Variants in EPS15L1 observed in about 807,000 individuals in gnomAD.
EPS15L1 encodes epidermal growth factor receptor substrate 15-like 1.
Under a neutral mutation model 117.1 loss-of-function variants are expected in EPS15L1, and 43 were observed. The observed-to-expected ratio is 0.37, with a 90% CI of 0.29 to 0.47. The LOEUF (loss-of-function observed/expected upper bound fraction) is 0.47. Ranked by LOEUF, EPS15L1 falls within the 20% of genes least tolerant of loss-of-function variation. The pLI is 0.99. For synonymous variants in EPS15L1, 459 were observed against 470.5 expected, an observed-to-expected ratio of 0.98 and a Z score of 0.32; for missense variants, 981 against 1,164.0, an observed-to-expected ratio of 0.84 and a Z score of 2.29.
intron 23 of EPS15L1, among the ~76,000 whole-genome samples, chr19:16,360,661 C>T (rs2092038855): frequency 6.6e-6 from 1 of 152,086 alleles, no homozygotes; most frequent in Admixed American, 6.6e-5. Context: ...ACAGGAGGAT[C>T]GCTTGAGCCC....
At chr19:16,440,024 T>C (rs1264907665) in intron 4 of EPS15L1, among the ~76,000 whole-genome samples, 1 of 137,442 alleles carries the variant, frequency 7.3e-6, no homozygotes, top group Non-Finnish European at 1.6e-5. Context: ...GCCAAGATCA[T>C]GTCACTGCAC....
intron 1 of EPS15L1, among the ~76,000 whole-genome samples, chr19:16,450,970 G>A (rs1285189751): frequency 2.0e-5 from 3 of 150,106 alleles, no homozygotes; most frequent in Non-Finnish European, 4.4e-5. Flanking sequence ...TTTTTTTTGA[G>A]ACAAGAGTCT....
At chr19:16,416,466 T>A (rs1223439565) in intron 12 of EPS15L1, among the ~76,000 whole-genome samples, 2 of 151,814 alleles carry the variant, frequency 1.3e-5, no homozygotes, top group Non-Finnish European at 2.9e-5. Context: ...CGAAACCCCA[T>A]CTCTACAAAA....
chr19:16,431,386 C>T (rs1263877206), intron 7 of EPS15L1, among the ~76,000 whole-genome samples: 1 of 151,440 alleles, frequency 6.6e-6, no homozygotes, highest in Non-Finnish European at 1.5e-5. Context: ...TCACTGCAAC[C>T]TCTGCCTCCC....
At chr19:16,417,812 G>C (rs1174362244) in intron 11 of EPS15L1, 136 bp downstream of exon 11, 2 of 1,325,224 alleles carry the variant, frequency 1.5e-6, no homozygotes, top group South Asian at 1.4e-5. Context: ...CCACCCTCCC[G>C]GGGGCCCCTG....
At position 16,437,207 on chromosome 19, in the gene EPS15L1, G is replaced by C. The variant is rs2092987086; in HGVS notation, c.310-208C>G. Reference sequence around the variant, plus strand: ...AAAACGGATGTCCAAACAAATCCTTGTACATGAATGCTGGTAGCAGCACTA... The same window carrying C: ...AAAACGGATGTCCAAACAAATCCTTCTACATGAATGCTGGTAGCAGCACTA... On this transcript the variant is annotated intron_variant, in intron 5 of 23. Transcript: ENST00000455140. The C allele has an allele frequency of 1.7e-5, 10 of 579,970 alleles. No individual in the cohort carries two copies. The East Asian group carries it at 2.8e-4, about 16-fold the overall frequency. 35.9% of individuals were successfully genotyped at this position (579,970 alleles called of 1,614,324 possible). A position where few individuals can be genotyped will look rare whatever the true frequency, so the allele number is the denominator to read the frequency against.
chr19:16,410,387 A>T (rs2144875600), intron 13 of EPS15L1, among the ~76,000 whole-genome samples: 1 of 152,298 alleles, frequency 6.6e-6, no homozygotes, highest in African/African-American at 2.4e-5. Context: ...GGCTGTGCAG[A>T]GCTGGCACCC....
chr19:16,355,652 GC>G lies in EPS15L1; in HGVS notation c.*52del. 6.6e-7 allele frequency: 1 copy of G among 1,518,444 alleles called. No individual in the cohort carries two copies. The highest frequency in any genetic ancestry group is 2.5e-5 in the East Asian group (1 of 40,542). The allele number at this position is 1,518,444 out of a possible 1,614,324, so 94.1% of individuals were successfully genotyped here. A position where few individuals can be genotyped will look rare whatever the true frequency, so the allele number is the denominator to read the frequency against. ...GTGTGTATATATAGACATCTGCACT[GC>G]CCCCTCTCTGGAACCCGCCCGTGCC... is the stretch of plus-strand genomic sequence containing the variant. On this transcript the variant is annotated 3_prime_UTR_variant, in exon 24 of 24. Coordinates refer to ENST00000455140, the MANE Select transcript of EPS15L1 (RefSeq NM_001258374.3).
At chr19:16,398,835 GACTA>G (rs2092567391) in intron 16 of EPS15L1, among the ~76,000 whole-genome samples, 1 of 152,104 alleles carries the variant, frequency 6.6e-6, no homozygotes, top group Non-Finnish European at 1.5e-5. Context: ...CCATACTGAT[GACTA>G]ACTTAGTGTA....
At position 16,405,632 on chromosome 19, in the gene EPS15L1, G is replaced by A. The variant is rs2092648422; in HGVS notation, c.1267-883C>T. ...CAGCCCACACTGTGGGACGCTCCTTGGCCATGGAACGGGATGGCGCCGTGT... is the reference window on the plus strand; with the variant it reads ...CAGCCCACACTGTGGGACGCTCCTTAGCCATGGAACGGGATGGCGCCGTGT... On this transcript the variant is annotated intron_variant, in intron 13 of 23. Coordinates refer to ENST00000455140, the MANE Select transcript of EPS15L1 (RefSeq NM_001258374.3). This position sits in a 1 kb window ranked among gnomAD's most constrained non-coding sequence, Gnocchi z 4.0. Among the ~76,000 whole-genome samples the A allele has an allele frequency of 6.6e-6, 1 of 152,212 alleles. No individual in the cohort carries two copies. The highest frequency in any genetic ancestry group is 1.9e-4 in the East Asian group (1 of 5,192).
Position 16,371,268 on chromosome 19 carries a change from G to T in EPS15L1, c.2380+5854C>A, listed in dbSNP as rs577063287. Among the ~76,000 whole-genome samples the T allele has an allele frequency of 6.6e-6, 1 of 152,260 alleles. No individual in the cohort carries two copies. The highest frequency in any genetic ancestry group is 1.5e-5 in the Non-Finnish European group (1 of 68,020). ...CTTAGGACCTCAGGGCTTCCTCGGT[G>T]GCTGCATCCTGTGTGGCACCCCCGG... On this transcript the variant is annotated intron_variant, in intron 22 of 23. Transcript: ENST00000455140. The surrounding 1 kb of genome is among the most constrained non-coding windows in gnomAD (Gnocchi z 4.7).
chr19:16,376,828 C>T (rs371061868), intron 22 of EPS15L1, among the ~76,000 whole-genome samples: 3 of 152,344 alleles, frequency 2.0e-5, no homozygotes, highest in South Asian at 2.1e-4. Context: ...GGAGGCCGCA[C>T]GAAGCGCCCC....
At chr19:16,452,325 A>G (rs2093153296) in intron 1 of EPS15L1, among the ~76,000 whole-genome samples, 1 of 152,040 alleles carries the variant, frequency 6.6e-6, no homozygotes, top group African/African-American at 2.4e-5. Flanking sequence ...AGGCACCTGG[A>G]ATCCCAGCTA....
chr19:16,417,724 A>C lies in EPS15L1; in HGVS notation c.1108-87T>G, dbSNP rs2092772546. Reference sequence around the variant, plus strand: ...ACCAGCAGTTCTCGGGCCCAGGGATAAAATTGTCCCTTTAGTACACAGGGT... The same window carrying C: ...ACCAGCAGTTCTCGGGCCCAGGGATCAAATTGTCCCTTTAGTACACAGGGT... On this transcript the variant is annotated intron_variant, in intron 11 of 23. Coordinates refer to ENST00000455140, the MANE Select transcript of EPS15L1 (RefSeq NM_001258374.3). 7 of 1,271,280 alleles carry C rather than the reference A, an allele frequency of 5.5e-6. No homozygotes were observed. In the Admixed American group the frequency reaches 1.1e-4, roughly 20 times the overall value. 78.7% of individuals were successfully genotyped at this position (1,271,280 alleles called of 1,614,324 possible).
intron 1 of EPS15L1, among the ~76,000 whole-genome samples, chr19:16,468,470 C>T (rs1186719889): frequency 6.6e-6 from 1 of 152,156 alleles, no homozygotes; most frequent in Non-Finnish European, 1.5e-5. Context: ...CTCAGCCTCC[C>T]AAGTTGCTGG....
chr19:16,424,964 A>C, intron 9 of EPS15L1, 119 bp downstream of exon 9: 2 of 963,248 alleles, frequency 2.1e-6, no homozygotes, highest in Non-Finnish European at 1.6e-6. Flanking sequence ...CCTGGCCACA[A>C]GCATTTTTTA....
intron 13 of EPS15L1, among the ~76,000 whole-genome samples, chr19:16,407,938 C>A (rs73511104): frequency 6.6e-6 from 1 of 152,142 alleles, no homozygotes; most frequent in South Asian, 2.1e-4. Flanking sequence ...GTCTCCAAAC[C>A]CCTGAACTGA....
In EPS15L1 at chr19:16,371,018, AC is replaced by A. The variant is rs1384854130; in HGVS notation, c.2380+6103del. On this transcript the variant is annotated intron_variant, in intron 22 of 23. Coordinates refer to ENST00000455140, the MANE Select transcript of EPS15L1 (RefSeq NM_001258374.3). This position sits in a 1 kb window ranked among gnomAD's most constrained non-coding sequence, Gnocchi z 4.7. ...CCATTGTAGAATTTCACATGTACCC[AC>A]CGGATTATCTCTCTGAGATCATCGT... Among the ~76,000 whole-genome samples, 2 of 152,216 alleles carry A rather than the reference AC, an allele frequency of 1.3e-5. No homozygotes were observed. Among genetic ancestry groups the A allele is most frequent in the Non-Finnish European group, 2.9e-5 (2 of 68,036 alleles).
At chr19:16,414,704 T>C (rs2092740993) in intron 12 of EPS15L1, among the ~76,000 whole-genome samples, 1 of 149,336 alleles carries the variant, frequency 6.7e-6, no homozygotes, top group South Asian at 2.1e-4. Flanking sequence ...TGGCCTTTTT[T>C]TGGTTTTGTT....
Sources: allele counts gnomAD v4.1 joint callset (sites outside exome capture counted in the v4.1 genomes callset), GRCh38; gene constraint gnomAD v4.1.1; non-coding constraint Gnocchi (gnomAD v3.1); transcripts MANE v1.5; gene names NCBI Gene and HGNC (gene_info 2026-07-23, HGNC 2026-07-21).